NAV2: variants seen among roughly 807,000 people sequenced by gnomAD.
The protein encoded by NAV2 is helicase, APC down-regulated 1.
In NAV2, 54 loss-of-function variants were observed where a neutral mutation model predicts 223.2. The observed-to-expected ratio is 0.24, with a 90% confidence interval of 0.19 to 0.30. The LOEUF (loss-of-function observed/expected upper bound fraction) is 0.30, where lower values mean the gene tolerates loss of function less well. NAV2 is among the 10% of genes least tolerant of loss of function. The pLI is 1.00. For missense variants in NAV2, 2,806 were observed against 3,147.5 expected (o/e 0.89, Z 2.60); for synonymous variants, 1,279 against 1,239.3 (o/e 1.03, Z -0.67).
intron 1 of NAV2, among the ~76,000 whole-genome samples, chr11:19,590,895 G>T (rs1336022284): frequency 1.3e-5 from 2 of 152,162 alleles, no homozygotes; most frequent in Non-Finnish European, 2.9e-5. Context: ...GATTCATGCT[G>T]AATCCACAGT....
intron 12 of NAV2, 104 bp downstream of exon 12, chr11:20,036,201 G>A (rs1013730427): frequency 1.1e-5 from 15 of 1,370,612 alleles, no homozygotes; most frequent in Admixed American, 3.7e-5. Flanking sequence ...GAATCTCCAG[G>A]TTGATGAGAT....
intron 1 of NAV2, among the ~76,000 whole-genome samples, chr11:19,390,700 G>C (rs1171250423): frequency 1.3e-5 from 2 of 152,140 alleles, no homozygotes; most frequent in East Asian, 1.9e-4. Context: ...AGTGGTGAAG[G>C]GGAGGGGAGG....
chr11:19,654,983 A>G (rs2048078450), intron 1 of NAV2, among the ~76,000 whole-genome samples: 2 of 152,252 alleles, frequency 1.3e-5, no homozygotes, highest in Admixed American at 6.5e-5. Flanking sequence ...AATTTTTGCA[A>G]TCTACTCATC....
chr11:19,755,538 C>A (rs539177046), intron 1 of NAV2, among the ~76,000 whole-genome samples: 15 of 152,298 alleles, frequency 9.8e-5, no homozygotes, highest in Admixed American at 9.8e-4. Context: ...TGGTTGTTGG[C>A]AGGATTGGTT....
At chr11:19,469,419 C>T (rs2041891040) in intron 1 of NAV2, among the ~76,000 whole-genome samples, 1 of 152,198 alleles carries the variant, frequency 6.6e-6, no homozygotes. Flanking sequence ...TACACTCTGC[C>T]TTTCCTGCAC....
At chr11:19,485,138 T>C (rs1377937771) in intron 1 of NAV2, among the ~76,000 whole-genome samples, 1 of 152,174 alleles carries the variant, frequency 6.6e-6, no homozygotes, top group African/African-American at 2.4e-5. Context: ...GGAACTATCA[T>C]AGTGCAAAGG....
At chr11:19,346,365 G>A (rs1249682381), upstream of NAV2, among the ~76,000 whole-genome samples, 2 of 152,218 alleles carry the variant, frequency 1.3e-5, no homozygotes, top group African/African-American at 4.8e-5. Flanking sequence ...TCCGAGCCAA[G>A]CCGGGGGCAA....
chr11:19,555,669 A>T (rs2044860300), intron 1 of NAV2, among the ~76,000 whole-genome samples: 1 of 152,106 alleles, frequency 6.6e-6, no homozygotes, highest in African/African-American at 2.4e-5. Flanking sequence ...CGGGGACTCT[A>T]GGTTGAAAAT....
At chr11:19,701,504 C>A (rs2152284631) in intron 1 of NAV2, among the ~76,000 whole-genome samples, 1 of 152,176 alleles carries the variant, frequency 6.6e-6, no homozygotes, top group Non-Finnish European at 1.5e-5. Flanking sequence ...AAAAGATGGA[C>A]TTTGTGGAAA....
chr11:19,465,518 T>C (rs2702636), intron 1 of NAV2, among the ~76,000 whole-genome samples: 2 of 151,698 alleles, frequency 1.3e-5, no homozygotes, highest in African/African-American at 4.8e-5. Context: ...CAATTCATGA[T>C]GAAAGCCTAA....
intron 26 of NAV2, among the ~76,000 whole-genome samples, chr11:20,088,262 C>T (rs926025367): frequency 1.3e-5 from 2 of 152,192 alleles, no homozygotes; most frequent in Non-Finnish European, 2.9e-5. Flanking sequence ...ACTGCAACCT[C>T]GACCTCTCAG....
At chr11:19,563,203 A>G (rs1045822723) in intron 1 of NAV2, among the ~76,000 whole-genome samples, 1 of 152,204 alleles carries the variant, frequency 6.6e-6, no homozygotes, top group Non-Finnish European at 1.5e-5. Context: ...ACAAACCAAG[A>G]CCAGGGAAAA....
At chr11:19,497,684 A>C (rs2042840950) in intron 1 of NAV2, among the ~76,000 whole-genome samples, 1 of 152,092 alleles carries the variant, frequency 6.6e-6, no homozygotes, top group African/African-American at 2.4e-5. Context: ...AAATTTTGCT[A>C]ACCTACAGGT....
chr11:19,938,267 G>T (rs115617413), intron 7 of NAV2, among the ~76,000 whole-genome samples: 1,871 of 152,286 alleles, frequency 0.012, 49 homozygotes, highest in African/African-American at 0.042. Flanking sequence ...AAAAGTCAAT[G>T]AAAGATCGTG....
At chr11:19,703,739 G>A (rs958430439) in intron 1 of NAV2, among the ~76,000 whole-genome samples, 2 of 152,236 alleles carry the variant, frequency 1.3e-5, no homozygotes, top group Admixed American at 6.5e-5. Context: ...ACTGTAAAGT[G>A]TTGTGAGAGC....
In NAV2 at chr11:20,035,833, G is replaced by A. The variant is rs1289326916; in HGVS notation, c.2769-126G>A. On this transcript the variant is annotated intron_variant, in intron 11 of 37. Transcript: ENST00000349880. ...GATGAGTCACATCTGAGTCAAGAGA[G>A]CTTTGTCCGGGGCTTCATGGCACAG... 3.7e-6 allele frequency: 4 copies of A among 1,077,148 alleles called. No homozygotes were observed. The East Asian group carries it at 1.0e-4, about 27-fold the overall frequency. The allele number at this position is 1,077,148 out of a possible 1,614,324, so 66.7% of individuals were successfully genotyped here.
intron 1 of NAV2, among the ~76,000 whole-genome samples, chr11:19,738,423 C>A (rs1006034947): frequency 6.6e-6 from 1 of 152,356 alleles, no homozygotes. Flanking sequence ...GGGAGAGACA[C>A]ATCCAGGAGA....
chr11:19,850,039 T>C (rs540642443), intron 3 of NAV2, among the ~76,000 whole-genome samples: 1 of 152,298 alleles, frequency 6.6e-6, no homozygotes, highest in African/African-American at 2.4e-5. Context: ...CCACTCAAAC[T>C]CTACACCCCA....
chr11:19,715,663 C>T (rs1272157780), intron 1 of NAV2, among the ~76,000 whole-genome samples: 1 of 152,180 alleles, frequency 6.6e-6, no homozygotes, highest in Non-Finnish European at 1.5e-5. Flanking sequence ...AGTGCATAGG[C>T]TCTGGAAAGG....
Sources: gnomAD v4.1 joint callset for allele counts (sites outside exome capture counted in the v4.1 genomes callset) on GRCh38, gnomAD v4.1.1 for gene constraint, MANE v1.5 for transcripts, NCBI Gene and HGNC (gene_info 2026-07-23, HGNC 2026-07-21) for gene names.